CACNG5: variants seen among roughly 807,000 people sequenced by gnomAD.
CACNG5 encodes voltage-dependent calcium channel gamma-5 subunit.
CACNG5 carries 18 observed loss-of-function variants against 24.8 expected under a neutral mutation model. The ratio of observed to expected loss-of-function variants is 0.73; its 90% CI spans 0.50 to 1.08. The LOEUF (loss-of-function observed/expected upper bound fraction) is 1.08. Ranked by LOEUF, CACNG5 falls within the 50% of genes least tolerant of loss-of-function variation. CACNG5 has a pLI of 0.00. For missense variants in CACNG5, 349 were observed against 367.9 expected (o/e 0.95, Z 0.42); for synonymous variants, 157 against 149.1 (o/e 1.05, Z -0.39).
chr17:66,857,077 T>G (rs1321701635), intron 1 of CACNG5, among the ~76,000 whole-genome samples: 2 of 139,862 alleles, frequency 1.4e-5, no homozygotes, highest in African/African-American at 5.4e-5. Context: ...TTTTTTTTTT[T>G]TTTTTTTTTT....
intron 1 of CACNG5, among the ~76,000 whole-genome samples, chr17:66,871,599 A>G (rs1401844114): frequency 6.6e-6 from 1 of 152,198 alleles, no homozygotes; most frequent in Non-Finnish European, 1.5e-5. Context: ...CTAGTCATGG[A>G]TGATAATTAG....
chr17:66,885,008 T>C lies in CACNG5; in HGVS notation c.596T>C (p.Leu199Pro). 1.2e-6 allele frequency: 2 copies of C among 1,614,156 alleles called. No homozygotes were observed. The highest frequency in any genetic ancestry group is 1.1e-5 in the South Asian group (1 of 91,090). ...TESAGVMSVY[L>P]FMKRYTAEDM... ...AGTGCCGGGGTGATGTCTGTGTACC[T>C]GTTTATGAAGCGGTACACCGCGGAG... Residue 199 changes from leucine to proline, a missense_variant, in exon 6 of 6, where the codon CTG becomes CCG. Physicochemically the swap from Leu to Pro is moderately conservative, Grantham distance 98 (BLOSUM62 -3). Transcript: ENST00000533854.
At chr17:66,839,313 C>G (rs934563495) in intron 1 of CACNG5, among the ~76,000 whole-genome samples, 2 of 151,994 alleles carry the variant, frequency 1.3e-5, no homozygotes, top group African/African-American at 4.8e-5. Flanking sequence ...CAAAAATCCC[C>G]TGGGAGGCAA....
At position 66,893,385 on chromosome 17, in the gene CACNG5, G is replaced by A. The variant is rs1977370699; in HGVS notation, c.*8145G>A. 6.6e-6 allele frequency among the ~76,000 whole-genome samples: 1 copy of A among 152,200 alleles called. No homozygotes were observed. The highest frequency in any genetic ancestry group is 2.1e-4 in the South Asian group (1 of 4,834). On this transcript the variant is annotated 3_prime_UTR_variant, in exon 6 of 6. Coordinates refer to ENST00000533854, the MANE Select transcript of CACNG5 (RefSeq NM_145811.3). The stretch of plus-strand genomic sequence containing the variant: ...CTTCTCTCCCATCTCTACTCATGAT[G>A]CCAACCAATGTTGGAAATGGCTCCA...
rs1229054675 is a variant in CACNG5 at position 66,891,321 on chromosome 17, G to T, written c.*6081G>T. 6.6e-6 allele frequency among the ~76,000 whole-genome samples: 1 copy of T among 152,086 alleles called. No homozygotes were observed. Among genetic ancestry groups the T allele is most frequent in the Non-Finnish European group, 1.5e-5 (1 of 68,022 alleles). On this transcript the variant is annotated 3_prime_UTR_variant, in exon 6 of 6. Coordinates refer to ENST00000533854, the MANE Select transcript of CACNG5 (RefSeq NM_145811.3). ...ATACAAGCAATTGCCCCAAAATTTA[G>T]TAGCTTAAGACAGCAACAATCATAT... is the stretch of plus-strand genomic sequence containing the variant.
At chr17:66,879,283 C>T (rs1463765846) in intron 3 of CACNG5, among the ~76,000 whole-genome samples, 2 of 152,240 alleles carry the variant, frequency 1.3e-5, no homozygotes, top group East Asian at 1.9e-4. Flanking sequence ...AATCAGGGAA[C>T]TGAGCTCTCT....
At chr17:66,867,842 A>C (rs1976951758) in intron 1 of CACNG5, among the ~76,000 whole-genome samples, 1 of 152,176 alleles carries the variant, frequency 6.6e-6, no homozygotes, top group South Asian at 2.1e-4. Flanking sequence ...GTCTGTTTGC[A>C]TACCAGTGCC....
intron 1 of CACNG5, among the ~76,000 whole-genome samples, chr17:66,852,887 TTC>T (rs905890613): frequency 6.6e-6 from 1 of 151,160 alleles, no homozygotes; most frequent in African/African-American, 2.4e-5. Context: ...CTCTCTCTTT[TTC>T]TCTTTCTCTC....
intron 1 of CACNG5, among the ~76,000 whole-genome samples, chr17:66,856,776 C>T (rs1255324632): frequency 6.6e-6 from 1 of 151,976 alleles, no homozygotes; most frequent in Non-Finnish European, 1.5e-5. Context: ...CTCCTGACCT[C>T]AGGTGATGCA....
chr17:66,863,425 G>A (rs1398688117), intron 1 of CACNG5, among the ~76,000 whole-genome samples: 1 of 151,970 alleles, frequency 6.6e-6, no homozygotes, highest in East Asian at 1.9e-4. Flanking sequence ...GGAGTGCAGT[G>A]GTACCATCTT....
Position 66,890,264 on chromosome 17 carries a change from C to T in CACNG5, c.*5024C>T, listed in dbSNP as rs755496827. Among the ~76,000 whole-genome samples the T allele has an allele frequency of 1.2e-4, 19 of 152,276 alleles. No homozygotes were observed. The highest frequency in any genetic ancestry group is 2.6e-4 in the Admixed American group (4 of 15,296). On this transcript the variant is annotated 3_prime_UTR_variant, in exon 6 of 6. Transcript: ENST00000533854. ...CTGCTCCAGTGTGCCATAGAAGAGA[C>T]GAGGCTCAGTGGTCACCACTACAGG... is the stretch of plus-strand genomic sequence containing the variant.
intron 1 of CACNG5, among the ~76,000 whole-genome samples, chr17:66,853,657 G>A (rs1462115209): frequency 6.6e-6 from 1 of 152,104 alleles, no homozygotes; most frequent in East Asian, 1.9e-4. Flanking sequence ...TAATGCATGG[G>A]TTGTTTAACA....
At position 66,858,809 on chromosome 17, in the gene CACNG5, A is replaced by T. The variant is rs143171025; in HGVS notation, c.-103-18421A>T. Among the ~76,000 whole-genome samples, 12 of 151,556 alleles carry T rather than the reference A, an allele frequency of 7.9e-5. No individual in the cohort carries two copies. In the East Asian group the frequency reaches 2.3e-3, roughly 30 times the overall value. On this transcript the variant is annotated intron_variant, in intron 1 of 5. Coordinates refer to ENST00000533854, the MANE Select transcript of CACNG5 (RefSeq NM_145811.3). ...GCCATCCAGTCAGGAGATAGTAACC[A>T]CTCTTTAAAGTGACTCTTGAGAGAT...
At chr17:66,865,877 G>A (rs1420038582) in intron 1 of CACNG5, among the ~76,000 whole-genome samples, 2 of 149,024 alleles carry the variant, frequency 1.3e-5, no homozygotes, top group Admixed American at 6.8e-5. Flanking sequence ...TCCTGACCTC[G>A]TGATCCACCC....
intron 1 of CACNG5, among the ~76,000 whole-genome samples, chr17:66,842,381 A>G (rs776770369): frequency 1.1e-4 from 17 of 152,228 alleles, no homozygotes; most frequent in Non-Finnish European, 2.1e-4. Flanking sequence ...TGGTTGTTGC[A>G]GAAAAAGGAA....
At chr17:66,883,410 G>A (rs150058421) in intron 4 of CACNG5, among the ~76,000 whole-genome samples, 117 of 152,196 alleles carry the variant, frequency 7.7e-4, no homozygotes, top group African/African-American at 2.6e-3. Context: ...GGAAGGTTTC[G>A]GTCACACCAG....
rs1334657078 is a variant in CACNG5, at chr17:66,886,461, G to T, written c.*1221G>T. ...CTGGTGGGAAACCGGAGCCAGGAGG[G>T]TTTCAATTACCCTCCGTAAGTCCAC... On this transcript the variant is annotated 3_prime_UTR_variant, in exon 6 of 6. Transcript: ENST00000533854. Among the ~76,000 whole-genome samples the T allele has an allele frequency of 6.6e-6, 1 of 152,108 alleles. No homozygotes were observed. The highest frequency in any genetic ancestry group is 2.4e-5 in the African/African-American group (1 of 41,394).
intron 4 of CACNG5, among the ~76,000 whole-genome samples, chr17:66,880,936 TC>T (rs1470992995): frequency 1.4e-4 from 22 of 152,138 alleles, no homozygotes. Context: ...ATGGGGTTTT[TC>T]CATGTTGGCC....
intron 1 of CACNG5, among the ~76,000 whole-genome samples, chr17:66,835,982 G>T (rs1469706964): frequency 1.3e-5 from 2 of 152,222 alleles, no homozygotes; most frequent in Non-Finnish European, 2.9e-5. Context: ...TGAAGATGCA[G>T]CTCGTTAAAA....
Sources: allele counts gnomAD v4.1 joint callset (sites outside exome capture counted in the v4.1 genomes callset), GRCh38; gene constraint gnomAD v4.1.1; transcripts MANE v1.5; gene names NCBI Gene and HGNC (gene_info 2026-07-23, HGNC 2026-07-21).